The following CNTLN variants were observed in gnomAD, a reference collection of about 807,000 sequenced individuals.
The protein encoded by CNTLN is centlein, also known as centlein, centrosomal protein.
A neutral mutation model predicts 180.0 loss-of-function variants in CNTLN; 212 were observed. The ratio of observed to expected loss-of-function variants is 1.18; its 90% CI spans 1.05 to 1.32. CNTLN has a LOEUF of 1.32. Ranked by LOEUF, CNTLN falls within the 40% of genes most tolerant of loss-of-function variation. CNTLN has a pLI of 0.00. For synonymous variants in CNTLN, 722 were observed against 563.1 expected, an observed-to-expected ratio of 1.28 and a Z score of -3.99; for missense variants, 2,095 against 1,610.9, an observed-to-expected ratio of 1.30 and a Z score of -5.14.
At chr9:17,207,096 G>C (rs1291347501) in intron 2 of CNTLN, among the ~76,000 whole-genome samples, 1 of 152,238 alleles carries the variant, frequency 6.6e-6, no homozygotes, top group African/African-American at 2.4e-5. Context: ...AGCCCAGGCT[G>C]TTGCTTCCCA....
intron 8 of CNTLN, among the ~76,000 whole-genome samples, chr9:17,329,348 A>G (rs1229545232): frequency 2.0e-5 from 3 of 152,094 alleles, no homozygotes; most frequent in African/African-American, 7.2e-5. Flanking sequence ...ATAAAAAATA[A>G]AAGTTGTACA....
At chr9:17,462,039 T>G (rs1442510736) in intron 19 of CNTLN, among the ~76,000 whole-genome samples, 2 of 151,840 alleles carry the variant, frequency 1.3e-5, no homozygotes, top group Admixed American at 6.6e-5. Flanking sequence ...ATTAATAACT[T>G]CAAGTAAAGA....
intron 2 of CNTLN, among the ~76,000 whole-genome samples, chr9:17,160,678 G>A (rs1819617288): frequency 6.6e-6 from 1 of 152,108 alleles, no homozygotes; most frequent in African/African-American, 2.4e-5. Context: ...GACAAAGGAA[G>A]ATATAAGCCA....
chr9:17,435,086 A>G (rs1305947110), intron 18 of CNTLN, among the ~76,000 whole-genome samples: 1 of 152,150 alleles, frequency 6.6e-6, no homozygotes, highest in Non-Finnish European at 1.5e-5. Context: ...GCAAGATAAT[A>G]TTTTTTCTTC....
intron 5 of CNTLN, among the ~76,000 whole-genome samples, chr9:17,242,759 T>A (rs1374865947): frequency 6.6e-6 from 1 of 152,216 alleles, no homozygotes; most frequent in African/African-American, 2.4e-5. Flanking sequence ...AATATTTTAT[T>A]GAGGATTTTT....
chr9:17,270,238 A>T (rs1439570324), intron 5 of CNTLN, among the ~76,000 whole-genome samples: 2 of 152,058 alleles, frequency 1.3e-5, no homozygotes, highest in African/African-American at 4.8e-5. Flanking sequence ...TAATTATGAT[A>T]TTTGCTGATT....
chr9:17,518,110 T>C, the CNTLN span, among the ~76,000 whole-genome samples: 3 of 141,048 alleles, frequency 2.1e-5, no homozygotes, highest in African/African-American at 7.8e-5. Context: ...TGGCATGATC[T>C]GATCTCGGCT....
chr9:17,230,982 T>C (rs1824779476), intron 3 of CNTLN, among the ~76,000 whole-genome samples: 1 of 152,132 alleles, frequency 6.6e-6, no homozygotes, highest in Admixed American at 6.6e-5. Flanking sequence ...CTCCTGGGCA[T>C]CTGTTCCATT....
chr9:17,506,637 T>C (rs1018884715), downstream of CNTLN, among the ~76,000 whole-genome samples: 6 of 152,128 alleles, frequency 3.9e-5, no homozygotes, highest in African/African-American at 1.4e-4. Flanking sequence ...GTAGCAAAAA[T>C]GACCTTTGGA....
At chr9:17,433,752 A>G (rs1263983652) in intron 18 of CNTLN, among the ~76,000 whole-genome samples, 1 of 151,902 alleles carries the variant, frequency 6.6e-6, no homozygotes, top group African/African-American at 2.4e-5. Flanking sequence ...ACTATTTTAA[A>G]AAATTTTTTG....
At chr9:17,226,039 T>C (rs187216721) in intron 2 of CNTLN, among the ~76,000 whole-genome samples, 164 bp from the exon 3 acceptor site, 1 of 149,302 alleles carries the variant, frequency 6.7e-6, no homozygotes, top group South Asian at 2.2e-4. Context: ...TAGTATGAAG[T>C]TGTCTTAGTT....
intron 7 of CNTLN, chr9:17,301,355 G>A: frequency 2.0e-6 from 2 of 985,372 alleles, no homozygotes; most frequent in Non-Finnish European, 2.4e-6. Flanking sequence ...TAGAAAATGA[G>A]AGATGTAAAT....
chr9:17,211,962 G>T (rs962039742), intron 2 of CNTLN, among the ~76,000 whole-genome samples: 2 of 152,112 alleles, frequency 1.3e-5, no homozygotes, highest in African/African-American at 2.4e-5. Context: ...GGGCTGAGAC[G>T]ATGGGGTTTT....
intron 5 of CNTLN, among the ~76,000 whole-genome samples, chr9:17,261,198 A>C (rs1350702150): frequency 6.6e-6 from 1 of 151,382 alleles, no homozygotes; most frequent in Non-Finnish European, 1.5e-5. Context: ...TAGTTTTTGT[A>C]ATTCTGTCAA....
At chr9:17,477,233 C>T (rs1832400983) in intron 23 of CNTLN, among the ~76,000 whole-genome samples, 3 of 152,094 alleles carry the variant, frequency 2.0e-5, no homozygotes, top group Admixed American at 6.5e-5. Flanking sequence ...GACAATGCAC[C>T]TAGTCACCCA....
At chr9:17,211,739 G>A (rs1823330148) in intron 2 of CNTLN, among the ~76,000 whole-genome samples, 1 of 152,040 alleles carries the variant, frequency 6.6e-6, no homozygotes, top group African/African-American at 2.4e-5. Context: ...TTTGAGCAGT[G>A]GTTTGTAGTT....
At chr9:17,471,272 AT>A (rs1413951372) in intron 23 of CNTLN, among the ~76,000 whole-genome samples, 1 of 151,984 alleles carries the variant, frequency 6.6e-6, no homozygotes, top group Non-Finnish European at 1.5e-5. Flanking sequence ...AGTCCAAGCA[AT>A]CCATAATGAT....
intron 5 of CNTLN, among the ~76,000 whole-genome samples, chr9:17,243,381 T>C (rs532573643): frequency 1.3e-5 from 2 of 152,280 alleles, no homozygotes; most frequent in African/African-American, 4.8e-5. Flanking sequence ...TGCTCTTGCT[T>C]TTCTAGTTCT....
In CNTLN at chr9:17,411,517, G is replaced by A. The variant is rs529995248; in HGVS notation, c.2796+2044G>A. Among the ~76,000 whole-genome samples the A allele has an allele frequency of 6.6e-5, 10 of 152,208 alleles. 1 individual carries two copies. The South Asian group carries it at 2.1e-3, about 32-fold the overall frequency. On this transcript the variant is annotated intron_variant, in intron 16 of 25. Transcript: ENST00000380647. ...AGCTAGTGATAATGACCTCCTCCTG[G>A]GATCCCTAACCCCTGGGCTGCAGAC...
Sources: gnomAD v4.1 joint callset for allele counts (sites outside exome capture counted in the v4.1 genomes callset) on GRCh38, gnomAD v4.1.1 for gene constraint, MANE v1.5 for transcripts, NCBI Gene and HGNC (gene_info 2026-07-23, HGNC 2026-07-21) for gene names.